Variants in FARS2 observed in about 807,000 individuals in gnomAD.
The protein encoded by FARS2 is phenylalanyl-tRNA synthetase 2, mitochondrial, also known as phenylalanine--tRNA ligase, mitochondrial.
A neutral mutation model predicts 46.4 loss-of-function variants in FARS2; 40 were observed. The ratio of observed to expected loss-of-function variants is 0.86; its 90% CI spans 0.67 to 1.12. FARS2 has a LOEUF of 1.12. Ranked by LOEUF, FARS2 falls within the 50% of genes most tolerant of loss-of-function variation. The pLI, the probability that FARS2 is intolerant of heterozygous loss-of-function variation, is 0.00. For missense variants in FARS2, 513 were observed against 567.9 expected (o/e 0.90, Z 0.98); for synonymous variants, 234 against 214.9 (o/e 1.09, Z -0.78).
chr6:5,398,477 T>A (rs1391296290), intron 2 of FARS2, among the ~76,000 whole-genome samples: 3 of 151,792 alleles, frequency 2.0e-5, no homozygotes, highest in Non-Finnish European at 4.4e-5. Flanking sequence ...TCTGACATGT[T>A]ATCATTTTTT....
intron 1 of FARS2, among the ~76,000 whole-genome samples, chr6:5,365,733 A>G (rs1442530814): frequency 6.6e-6 from 1 of 151,978 alleles, no homozygotes; most frequent in Non-Finnish European, 1.5e-5. Flanking sequence ...GACTTCCCCT[A>G]ACTTAACTAT....
intron 6 of FARS2, among the ~76,000 whole-genome samples, chr6:5,651,333 A>C (rs1777351392): frequency 1.3e-5 from 2 of 152,208 alleles, no homozygotes; most frequent in Admixed American, 6.5e-5. Context: ...CTGTCGATTG[A>C]AAATGTGTTT....
intron 3 of FARS2, among the ~76,000 whole-genome samples, chr6:5,407,601 TG>T (rs1200783944): frequency 5.3e-5 from 8 of 151,922 alleles, no homozygotes; most frequent in Middle Eastern, 3.4e-3. Context: ...GGATTTATAA[TG>T]TTTTTTTTTT....
chr6:5,569,766 T>G (rs1314395263), intron 5 of FARS2, among the ~76,000 whole-genome samples: 1 of 152,014 alleles, frequency 6.6e-6, no homozygotes, highest in Non-Finnish European at 1.5e-5. Context: ...GGAGGTGAAG[T>G]CAGGGCATAT....
intron 5 of FARS2, among the ~76,000 whole-genome samples, chr6:5,553,102 A>G (rs1485867317): frequency 6.6e-6 from 1 of 152,198 alleles, no homozygotes; most frequent in Non-Finnish European, 1.5e-5. Flanking sequence ...GTGGCTTACA[A>G]GGTCAGCCCT....
chr6:5,760,288 G>A (rs1407901669), intron 6 of FARS2, among the ~76,000 whole-genome samples: 4 of 152,192 alleles, frequency 2.6e-5, no homozygotes, highest in African/African-American at 7.2e-5. Flanking sequence ...GGGTGATGCC[G>A]CAGTGAACTC....
chr6:5,698,488 A>T (rs1184968204), intron 6 of FARS2, among the ~76,000 whole-genome samples: 3 of 152,202 alleles, frequency 2.0e-5, no homozygotes, highest in Non-Finnish European at 4.4e-5. Context: ...GGGCAGGGAC[A>T]AGTATCCAAA....
At chr6:5,335,333 G>C (rs1232519940) in intron 1 of FARS2, among the ~76,000 whole-genome samples, 1 of 152,180 alleles carries the variant, frequency 6.6e-6, no homozygotes, top group Non-Finnish European at 1.5e-5. Context: ...AATAAGAAAT[G>C]AATTAAGTGC....
chr6:5,473,391 G>C (rs546086387), intron 4 of FARS2, among the ~76,000 whole-genome samples: 1 of 152,218 alleles, frequency 6.6e-6, no homozygotes, highest in Non-Finnish European at 1.5e-5. Flanking sequence ...GCCGGGAATG[G>C]TGGCGTGTGC....
chr6:5,687,556 A>G (rs141685480), intron 6 of FARS2, among the ~76,000 whole-genome samples: 7,406 of 152,204 alleles, frequency 0.049, 235 homozygotes, highest in Non-Finnish European at 0.075. Flanking sequence ...CCATTGGTCT[A>G]TATCTCTGTT....
intron 6 of FARS2, among the ~76,000 whole-genome samples, chr6:5,648,670 C>T (rs1777197095): frequency 6.6e-6 from 1 of 152,108 alleles, no homozygotes; most frequent in African/African-American, 2.4e-5. Context: ...CTCTTTCCAT[C>T]TACCCTTCAT....
rs189677345 is a variant in FARS2, at chr6:5,445,299, G to A, written c.904+14127G>A. 4.6e-5 allele frequency among the ~76,000 whole-genome samples: 7 copies of A among 152,310 alleles called. No homozygotes were observed. In the East Asian group the frequency reaches 1.3e-3, roughly 29 times the overall value. ...TGCAGCTTTGCAGGCAGGTAGTGAT[G>A]TGCTCTCAGTGGCTCAGTTTTATTT... On this transcript the variant is annotated intron_variant, in intron 4 of 6. Transcript: ENST00000274680.
intron 2 of FARS2, among the ~76,000 whole-genome samples, chr6:5,378,403 C>T (rs142943179): frequency 1.3e-5 from 2 of 152,246 alleles, no homozygotes; most frequent in Admixed American, 6.5e-5. Context: ...CAGAAAAAAC[C>T]GCTGTCATTT....
intron 5 of FARS2, among the ~76,000 whole-genome samples, chr6:5,564,209 G>A (rs188782085): frequency 3.4e-4 from 52 of 152,280 alleles, no homozygotes; most frequent in Admixed American, 2.2e-3. Context: ...TCCCACAAGT[G>A]TGGTGTGGGT....
intron 2 of FARS2, among the ~76,000 whole-genome samples, chr6:5,388,381 A>G (rs750378573): frequency 5.9e-5 from 9 of 152,220 alleles, no homozygotes; most frequent in Non-Finnish European, 1.0e-4. Context: ...ATTAAATGCA[A>G]TTTGACACAA....
chr6:5,408,972 A>G (rs909254628), intron 3 of FARS2, among the ~76,000 whole-genome samples: 4 of 152,154 alleles, frequency 2.6e-5, no homozygotes, highest in African/African-American at 9.7e-5. Context: ...GTGTTTCAGG[A>G]TATATATCTC....
chr6:5,657,094 A>AT (rs528039033), intron 6 of FARS2, among the ~76,000 whole-genome samples: 1 of 152,236 alleles, frequency 6.6e-6, no homozygotes, highest in South Asian at 2.1e-4. Context: ...TTGTGTATAT[A>AT]TACATATGTA....
chr6:5,574,697 C>T (rs1772857028), intron 5 of FARS2, among the ~76,000 whole-genome samples: 1 of 152,088 alleles, frequency 6.6e-6, no homozygotes, highest in Non-Finnish European at 1.5e-5. Flanking sequence ...GATTAGGTTC[C>T]TTGGAGCTTC....
intron 1 of FARS2, among the ~76,000 whole-genome samples, chr6:5,272,103 C>T (rs1033500382): frequency 2.0e-5 from 3 of 152,066 alleles, no homozygotes; most frequent in Non-Finnish European, 4.4e-5. Context: ...ATGAATCCTC[C>T]CTTTGTCCAG....
Sources: allele counts gnomAD v4.1 joint callset (sites outside exome capture counted in the v4.1 genomes callset), GRCh38; gene constraint gnomAD v4.1.1; transcripts MANE v1.5; gene names NCBI Gene and HGNC (gene_info 2026-07-23, HGNC 2026-07-21).